The following ATP8A2 variants were observed in gnomAD, a reference collection of about 807,000 sequenced individuals.
The protein encoded by ATP8A2 is phospholipid-transporting ATPase IB.
In ATP8A2, 100 loss-of-function variants were observed where a neutral mutation model predicts 165.6. The observed-to-expected ratio is 0.60, with a 90% CI of 0.51 to 0.71. ATP8A2 has a LOEUF of 0.71. Ranked by LOEUF, ATP8A2 falls within the 30% of genes least tolerant of loss-of-function variation. The probability of loss-of-function intolerance (pLI) is 0.00; values close to 1 mark genes in which losing one functional copy is unlikely to be tolerated. For synonymous variants in ATP8A2, 543 were observed against 548.8 expected (o/e 0.99, Z 0.15); for missense variants, 1,227 against 1,479.5 (o/e 0.83, Z 2.80).
intron 24 of ATP8A2, among the ~76,000 whole-genome samples, chr13:25,629,294 C>G (rs1404605630): frequency 1.3e-5 from 2 of 152,024 alleles, no homozygotes. Context: ...AATAGAATAG[C>G]AAATCATATC....
chr13:25,419,969 G>A (rs2034252506), intron 1 of ATP8A2, among the ~76,000 whole-genome samples: 1 of 152,094 alleles, frequency 6.6e-6, no homozygotes, highest in Non-Finnish European at 1.5e-5. Flanking sequence ...GAGGCAGGTG[G>A]GTGAATAGTT....
intron 33 of ATP8A2, among the ~76,000 whole-genome samples, chr13:25,898,340 G>A (rs575718891): frequency 1.9e-4 from 29 of 152,290 alleles, no homozygotes; most frequent in African/African-American, 6.3e-4. Flanking sequence ...GCAGAACAGC[G>A]GATACTGGTG....
chr13:25,879,221 CT>C (rs1952903805), intron 33 of ATP8A2, among the ~76,000 whole-genome samples: 1 of 152,182 alleles, frequency 6.6e-6, no homozygotes, highest in South Asian at 2.1e-4. Flanking sequence ...TTGAGAAATG[CT>C]TTATCGAGCA....
chr13:25,819,871 T>C (rs1385321147), intron 27 of ATP8A2, among the ~76,000 whole-genome samples: 1 of 152,214 alleles, frequency 6.6e-6, no homozygotes, highest in African/African-American at 2.4e-5. Flanking sequence ...TAAACAGATA[T>C]CTTTGGTGCC....
rs1472796011 is a variant in ATP8A2 at position 25,372,322 on chromosome 13, GC to G, written c.76+37del. 8.3e-6 allele frequency: 7 copies of G among 846,802 alleles called. No individual in the cohort carries two copies. Among genetic ancestry groups the G allele is most frequent in the Non-Finnish European group, 1.2e-5 (7 of 566,014 alleles). 52.5% of individuals were successfully genotyped at this position (846,802 alleles called of 1,614,324 possible). A position where few individuals can be genotyped will look rare whatever the true frequency, so the allele number is the denominator to read the frequency against. ...GGAGGGGCGCGGCGAGGGAGGGTGGGCCCGGGGCGGGGGCGGCGCGGGGCGC... is the reference window on the plus strand; with the variant it reads ...GGAGGGGCGCGGCGAGGGAGGGTGGGCCGGGGCGGGGGCGGCGCGGGGCGC... On this transcript the variant is annotated intron_variant, in intron 1 of 36. Coordinates refer to ENST00000381655, the MANE Select transcript of ATP8A2 (RefSeq NM_016529.6). This position sits in a 1 kb window ranked among gnomAD's most constrained non-coding sequence, Gnocchi z 4.8.
intron 23 of ATP8A2, among the ~76,000 whole-genome samples, chr13:25,586,046 C>A (rs7333167): frequency 0.59 from 90,090 of 152,026 alleles, 28,391 homozygotes; most frequent in Middle Eastern, 0.71. Flanking sequence ...ATTATGTGCC[C>A]GATACTGCAC....
At chr13:25,442,939 G>C (rs1280355565) in intron 1 of ATP8A2, among the ~76,000 whole-genome samples, 1 of 152,136 alleles carries the variant, frequency 6.6e-6, no homozygotes. Context: ...GTATAGTCTA[G>C]ATACTAATCC....
chr13:25,928,753 T>A (rs1954683829), intron 33 of ATP8A2, among the ~76,000 whole-genome samples: 1 of 152,186 alleles, frequency 6.6e-6, no homozygotes, highest in African/African-American at 2.4e-5. Flanking sequence ...GGTGGTCCCA[T>A]GCCTCAGGCT....
intron 36 of ATP8A2, among the ~76,000 whole-genome samples, chr13:26,017,419 A>G (rs1957002423): frequency 6.6e-6 from 1 of 152,216 alleles, no homozygotes; most frequent in Non-Finnish European, 1.5e-5. Flanking sequence ...TTTGCTTTGA[A>G]ACATCCCAAG....
chr13:25,629,381 T>G (rs756066903), intron 24 of ATP8A2, among the ~76,000 whole-genome samples: 70 of 152,278 alleles, frequency 4.6e-4, no homozygotes, highest in Non-Finnish European at 9.6e-4. Flanking sequence ...ACAGTTACAT[T>G]AAGTCTATTT....
intron 26 of ATP8A2, among the ~76,000 whole-genome samples, chr13:25,769,453 T>G (rs1014615970): frequency 6.6e-6 from 1 of 152,210 alleles, no homozygotes; most frequent in Non-Finnish European, 1.5e-5. Flanking sequence ...GCTATGGGGT[T>G]GGCCAAGCTG....
intron 27 of ATP8A2, among the ~76,000 whole-genome samples, chr13:25,817,276 A>C (rs1331931540): frequency 8.7e-5 from 13 of 150,074 alleles, no homozygotes; most frequent in Non-Finnish European, 4.4e-5. Flanking sequence ...ATTATGTTCT[A>C]TTGTGCCAAG....
intron 1 of ATP8A2, among the ~76,000 whole-genome samples, chr13:25,374,554 G>C (rs1294494767): frequency 6.6e-6 from 1 of 152,186 alleles, no homozygotes; most frequent in African/African-American, 2.4e-5. Context: ...AGGGAGCAGG[G>C]GGGAAGGCAG....
chr13:25,858,423 A>G (rs1328906853), intron 30 of ATP8A2, among the ~76,000 whole-genome samples: 1 of 151,814 alleles, frequency 6.6e-6, no homozygotes, highest in Non-Finnish European at 1.5e-5. Context: ...TCCCGATATA[A>G]CTCTTACTTT....
intron 33 of ATP8A2, among the ~76,000 whole-genome samples, chr13:25,954,169 G>A (rs1955458044): frequency 6.6e-6 from 1 of 152,174 alleles, no homozygotes; most frequent in African/African-American, 2.4e-5. Flanking sequence ...AGCTTGGTTA[G>A]GGGAGGTGCG....
intron 35 of ATP8A2, among the ~76,000 whole-genome samples, chr13:25,975,948 A>G (rs916039116): frequency 2.6e-5 from 4 of 152,216 alleles, no homozygotes; most frequent in African/African-American, 9.6e-5. Context: ...CAACCCGTCC[A>G]TAAAAAGACT....
chr13:25,699,162 T>A lies in ATP8A2; in HGVS notation c.2212-11T>A. On this transcript the variant is annotated splice_polypyrimidine_tract_variant and intron_variant, in intron 24 of 36. Transcript: ENST00000381655. ...CAAAAAATGTGATTTTCCCCTATAC[T>A]CTTGTTTCAGGCCACAAGGGCAGCC... The A allele has an allele frequency of 6.5e-7, 1 of 1,528,696 alleles. No individual in the cohort carries two copies. Among genetic ancestry groups the A allele is most frequent in the African/African-American group, 1.4e-5 (1 of 71,892 alleles). The allele number at this position is 1,528,696 out of a possible 1,614,324, so 94.7% of individuals were successfully genotyped here. A position where few individuals can be genotyped will look rare whatever the true frequency, so the allele number is the denominator to read the frequency against.
chr13:25,999,262 T>G (rs1345820703), intron 35 of ATP8A2, among the ~76,000 whole-genome samples: 3 of 152,100 alleles, frequency 2.0e-5, no homozygotes, highest in African/African-American at 7.2e-5. Flanking sequence ...TGTGCTGGTG[T>G]TTTCCAGGGA....
chr13:25,517,843 G>A (rs755408275), intron 2 of ATP8A2, among the ~76,000 whole-genome samples: 13 of 152,202 alleles, frequency 8.5e-5, no homozygotes, highest in Non-Finnish European at 1.8e-4. Flanking sequence ...CAGTAGTTTA[G>A]CATTAATAAA....
Sources: gnomAD v4.1 joint callset for allele counts (sites outside exome capture counted in the v4.1 genomes callset) on GRCh38, gnomAD v4.1.1 for gene constraint, Gnocchi (gnomAD v3.1) non-coding constraint, MANE v1.5 for transcripts, NCBI Gene and HGNC (gene_info 2026-07-23, HGNC 2026-07-21) for gene names.